The following PRKCG variants were observed in gnomAD, a reference collection of about 807,000 sequenced individuals.
PRKCG encodes protein kinase C gamma.
PRKCG carries 28 observed loss-of-function variants against 82.0 expected under a neutral mutation model. That is an observed-to-expected ratio of 0.34 (90% CI 0.25 to 0.47). The LOEUF is 0.47. PRKCG is among the 20% of genes least tolerant of loss of function. The probability of loss-of-function intolerance (pLI) is 1.00; values close to 1 mark genes in which losing one functional copy is unlikely to be tolerated. For missense variants in PRKCG, 640 were observed against 952.7 expected, an observed-to-expected ratio of 0.67 and a Z score of 4.32; for synonymous variants, 383 against 376.6, an observed-to-expected ratio of 1.02 and a Z score of -0.20.
chr19:53,886,987 A>G (rs1299150180), intron 3 of PRKCG, among the ~76,000 whole-genome samples: 1 of 152,224 alleles, frequency 6.6e-6, no homozygotes, highest in Non-Finnish European at 1.5e-5. Flanking sequence ...TATTCTTGTT[A>G]AAATTATTAT....
chr19:53,903,251 T>C, intron 15 of PRKCG, 98 bp downstream of exon 15: 2 of 916,484 alleles, frequency 2.2e-6, no homozygotes, highest in Non-Finnish European at 3.7e-6. Flanking sequence ...CAGAAGGTTG[T>C]GCTCGAATAG....
intron 14 of PRKCG, among the ~76,000 whole-genome samples, chr19:53,902,355 AGT>A (rs2068770000): frequency 6.6e-6 from 1 of 152,176 alleles, no homozygotes; most frequent in African/African-American, 2.4e-5. Flanking sequence ...TGGAGGTTGC[AGT>A]GAGCCAAGAT....
At position 53,892,967 on chromosome 19, in the gene PRKCG, T is replaced by C; in HGVS notation, c.822-21T>C. The C allele has an allele frequency of 6.2e-7, 1 of 1,611,820 alleles. No individual in the cohort carries two copies. Among genetic ancestry groups the C allele is most frequent in the Non-Finnish European group, 8.5e-7 (1 of 1,178,118 alleles). On this transcript the variant is annotated intron_variant, in intron 7 of 17. Transcript: ENST00000263431. This position sits in a 1 kb window ranked among gnomAD's most constrained non-coding sequence, Gnocchi z 5.9. ...GTGCCCCATCCCCGCTGCCCGCCTC[T>C]GGTCTCCGTCTGTATGTCAGGTACA...
At chr19:53,895,147 C>CAA (rs1195327900) in intron 9 of PRKCG, among the ~76,000 whole-genome samples, 1 of 151,908 alleles carries the variant, frequency 6.6e-6, no homozygotes, top group African/African-American at 2.4e-5. Flanking sequence ...AACAAACAAA[C>CAA]AAAAAAGTTC....
rs2068661664 is a variant in PRKCG at position 53,890,036 on chromosome 19, GC to G, written c.529+21del. ...GTAACTGGTGAGGCCCCGCCCCCTC[GC>G]CTGGCCCCGCCCCCTCCCCAAGTGT... On this transcript the variant is annotated intron_variant, in intron 5 of 17. Coordinates refer to ENST00000263431, the MANE Select transcript of PRKCG (RefSeq NM_002739.5). 2.6e-6 allele frequency: 4 copies of G among 1,546,702 alleles called. No individual in the cohort carries two copies. The African/African-American group carries it at 5.5e-5, about 21-fold the overall frequency.
chr19:53,894,365 G>A (rs1368690578), intron 9 of PRKCG, among the ~76,000 whole-genome samples: 1 of 152,116 alleles, frequency 6.6e-6, no homozygotes, highest in Non-Finnish European at 1.5e-5. Flanking sequence ...ACACCCAGCC[G>A]ATTCTTGAGT....
chr19:53,898,032 T>G lies in PRKCG; in HGVS notation c.1013T>G (p.Phe338Cys), dbSNP rs962210135. The change falls in exon 10 of 18, where the codon TTC becomes TGC. Residue 338 changes from phenylalanine (F) to cysteine (C), a missense_variant. Coordinates refer to ENST00000263431, the MANE Select transcript of PRKCG (RefSeq NM_002739.5). Reference sequence around the variant, plus strand: ...AGTCCCACCGACCCCAAGCGCTGCTTCTTCGGGGCGAGTCCAGGACGCCTG... The same window carrying G: ...AGTCCCACCGACCCCAAGCGCTGCTGCTTCGGGGCGAGTCCAGGACGCCTG... Reference protein sequence around the residue: ...SPSPTDPKRCFFGASPGRLHI... With the variant: ...SPSPTDPKRCCFGASPGRLHI... 6.2e-7 allele frequency: 1 copy of G among 1,614,108 alleles called. No individual in the cohort carries two copies. The highest frequency in any genetic ancestry group is 2.2e-5 in the East Asian group (1 of 44,860).
intron 3 of PRKCG, among the ~76,000 whole-genome samples, chr19:53,886,078 AT>A (rs1340733943): frequency 3.5e-5 from 5 of 144,814 alleles, no homozygotes; most frequent in African/African-American, 7.7e-5. Context: ...AAAAAAAAAG[AT>A]TTTTTTTTGT....
At position 53,900,072 on chromosome 19, in the gene PRKCG, G is replaced by A. The variant is rs1251172667; in HGVS notation, c.1282-161G>A. Among the ~76,000 whole-genome samples, 1 of 152,128 alleles carries A rather than the reference G, an allele frequency of 6.6e-6. No homozygotes were observed. The highest frequency in any genetic ancestry group is 2.4e-5 in the African/African-American group (1 of 41,402). ...GGCGGGTGGAGATTCTGAGGTAGCA[G>A]GATTAGCACCTTAGGGCCCTCCCAG... On this transcript the variant is annotated intron_variant, in intron 11 of 17. Coordinates refer to ENST00000263431, the MANE Select transcript of PRKCG (RefSeq NM_002739.5). This position sits in a 1 kb window ranked among gnomAD's most constrained non-coding sequence, Gnocchi z 4.2.
At chr19:53,906,634 A>G in intron 17 of PRKCG, 73 bp from the exon 18 acceptor site, 3 of 1,567,512 alleles carry the variant, frequency 1.9e-6, no homozygotes, top group Non-Finnish European at 2.6e-6. Context: ...AGGAGATGAG[A>G]CTGGGGTACA....
chr19:53,890,078 C>G, intron 5 of PRKCG, 61 bp downstream of exon 5: 1 of 1,519,442 alleles, frequency 6.6e-7, no homozygotes, highest in South Asian at 1.2e-5. Flanking sequence ...GGGGCTGACC[C>G]AAGGCACTTG....
intron 9 of PRKCG, among the ~76,000 whole-genome samples, chr19:53,894,651 G>C (rs951166440): frequency 6.6e-6 from 1 of 151,608 alleles, no homozygotes; most frequent in Non-Finnish European, 1.5e-5. Flanking sequence ...GTAGAGATGG[G>C]GTTTCGACAT....
At chr19:53,886,877 G>A (rs2068635110) in intron 3 of PRKCG, among the ~76,000 whole-genome samples, 1 of 152,224 alleles carries the variant, frequency 6.6e-6, no homozygotes, top group Admixed American at 6.5e-5. Context: ...TTGTAAAGTG[G>A]AGATGATAAT....
At chr19:53,902,615 C>A (rs969663512) in intron 14 of PRKCG, among the ~76,000 whole-genome samples, 1 of 152,004 alleles carries the variant, frequency 6.6e-6, no homozygotes, top group Non-Finnish European at 1.5e-5. Flanking sequence ...AGAGTGGAGG[C>A]TGGGCGTGGT....
chr19:53,890,258 CTT>C (rs1322362855), intron 5 of PRKCG, among the ~76,000 whole-genome samples: 1 of 151,934 alleles, frequency 6.6e-6, no homozygotes, highest in Non-Finnish European at 1.5e-5. Context: ...ATGACTTTGA[CTT>C]TCTTTTTTTT....
intron 15 of PRKCG, among the ~76,000 whole-genome samples, chr19:53,903,957 G>T (rs1164966896): frequency 3.3e-5 from 5 of 152,162 alleles, no homozygotes; most frequent in African/African-American, 1.2e-4. Flanking sequence ...CAGTAATTTT[G>T]ATGTAGCAAT....
chr19:53,901,947 G>T (rs2068767483), intron 14 of PRKCG, among the ~76,000 whole-genome samples: 1 of 151,870 alleles, frequency 6.6e-6, no homozygotes, highest in East Asian at 1.9e-4. Flanking sequence ...AGTGGGTGGG[G>T]TATTACCCGA....
intron 3 of PRKCG, among the ~76,000 whole-genome samples, chr19:53,886,688 A>G (rs2068633960): frequency 1.3e-5 from 2 of 152,208 alleles, no homozygotes; most frequent in Non-Finnish European, 2.9e-5. Context: ...ATGGGATTAC[A>G]GGCGTGAGCC....
chr19:53,893,221 G>T, intron 8 of PRKCG, 141 bp from the exon 9 acceptor site: 1 of 1,248,418 alleles, frequency 8.0e-7, no homozygotes, highest in Non-Finnish European at 1.2e-6. Context: ...CTCTTCTAGG[G>T]GACTCGAGCC....
Sources: allele counts gnomAD v4.1 joint callset (sites outside exome capture counted in the v4.1 genomes callset), GRCh38; gene constraint gnomAD v4.1.1; non-coding constraint Gnocchi (gnomAD v3.1); transcripts MANE v1.5; gene names NCBI Gene and HGNC (gene_info 2026-07-23, HGNC 2026-07-21).